Variants in FAM135B observed in about 807,000 individuals in gnomAD.
The protein encoded by FAM135B is family with sequence similarity 135 member B, also known as protein FAM135B.
FAM135B carries 43 observed loss-of-function variants against 127.7 expected under a neutral mutation model. The observed-to-expected ratio is 0.34, with a 90% confidence interval of 0.26 to 0.43. The LOEUF is 0.43. FAM135B is among the 20% of genes least tolerant of loss of function. The probability of loss-of-function intolerance (pLI) is 1.00; values close to 1 mark genes in which losing one functional copy is unlikely to be tolerated. For synonymous variants in FAM135B, 670 were observed against 665.1 expected (o/e 1.01, Z -0.11); for missense variants, 1,558 against 1,725.6 (o/e 0.90, Z 1.72).
chr8:138,457,378 C>T (rs1836848426), intron 1 of FAM135B, among the ~76,000 whole-genome samples: 1 of 152,152 alleles, frequency 6.6e-6, no homozygotes. Flanking sequence ...TAGAGTTTCT[C>T]AAGGTGTGAT....
At chr8:138,221,043 C>A (rs1468412461) in intron 7 of FAM135B, among the ~76,000 whole-genome samples, 2 of 152,114 alleles carry the variant, frequency 1.3e-5, no homozygotes. Flanking sequence ...AGTTTCTGGG[C>A]CATGATGCAG....
In FAM135B at chr8:138,153,220, CAA is replaced by C. The variant is rs11311519; in HGVS notation, c.1259-6_1259-5del. On this transcript the variant is annotated splice_region_variant and splice_polypyrimidine_tract_variant and intron_variant, in intron 12 of 19. Transcript: ENST00000395297. ...GGATAAACACTCAAGTTATGCCCTA[CAA>C]AAAAAAAAGAAAGAAAATTATATTA... 1.5e-4 allele frequency: 213 copies of C among 1,441,856 alleles called. No individual in the cohort carries two copies. Among genetic ancestry groups the C allele is most frequent in the East Asian group, 5.4e-4 (23 of 42,940 alleles). 89.3% of individuals were successfully genotyped at this position (1,441,856 alleles called of 1,614,324 possible).
At chr8:138,413,749 C>T (rs1207830273) in intron 1 of FAM135B, among the ~76,000 whole-genome samples, 1 of 152,004 alleles carries the variant, frequency 6.6e-6, no homozygotes, top group Non-Finnish European at 1.5e-5. Context: ...CACACTCTTT[C>T]AACCAGTTCC....
In FAM135B at chr8:138,436,223, G is replaced by A. The variant is rs542589887; in HGVS notation, c.-20+60448C>T. Among the ~76,000 whole-genome samples, 8 of 152,274 alleles carry A rather than the reference G, an allele frequency of 5.3e-5. No individual in the cohort carries two copies. The South Asian group carries it at 8.3e-4, about 16-fold the overall frequency. On this transcript the variant is annotated intron_variant, in intron 1 of 19. Coordinates refer to ENST00000395297, the MANE Select transcript of FAM135B (RefSeq NM_015912.4). The stretch of plus-strand genomic sequence containing the variant: ...AAATGCTAAAACGATGAGAGAACCC[G>A]GATCTGCAAGAGATGTTCTCTGGGA...
chr8:138,332,020 A>C (rs918777948), intron 2 of FAM135B, among the ~76,000 whole-genome samples: 1 of 152,102 alleles, frequency 6.6e-6, no homozygotes, highest in Non-Finnish European at 1.5e-5. Flanking sequence ...AAAAGACTGA[A>C]CTACTTATGT....
intron 11 of FAM135B, among the ~76,000 whole-genome samples, chr8:138,173,103 G>A (rs911250685): frequency 6.6e-6 from 1 of 151,994 alleles, no homozygotes; most frequent in African/African-American, 2.4e-5. Context: ...CTCCCATTCT[G>A]AGCATTCAGG....
intron 1 of FAM135B, among the ~76,000 whole-genome samples, chr8:138,384,655 C>G (rs548280525): frequency 6.6e-6 from 1 of 151,858 alleles, no homozygotes; most frequent in African/African-American, 2.4e-5. Context: ...TGTGTGTGCA[C>G]CTGTGTGTGT....
chr8:138,423,909 G>A (rs1177218657), intron 1 of FAM135B, among the ~76,000 whole-genome samples: 1 of 152,148 alleles, frequency 6.6e-6, no homozygotes, highest in Non-Finnish European at 1.5e-5. Context: ...TCTCAGGGAT[G>A]TTCCTTGCTG....
In FAM135B at chr8:138,152,566, G is replaced by C. The variant is rs2130774274; in HGVS notation, c.1909C>G (p.Pro637Ala). Residue 637 changes from proline to alanine, a missense_variant, in exon 13 of 20, where the codon CCC becomes GCC. Physicochemically the swap from Pro to Ala is conservative, Grantham distance 27 (BLOSUM62 -1). This residue lies in a region of FAM135B where 923 missense variants were observed against 865.3 expected (regional missense o/e 1.07). Coordinates refer to ENST00000395297, the MANE Select transcript of FAM135B (RefSeq NM_015912.4). ...CTTAGTGGATCACAGGGCTCAGAGG[G>C]GGTGAGTTTCAAGCTTAGCAGCACC... Reference protein sequence around the residue: ...KMVLLSLKLTPSEPCDPLSST... With the variant: ...KMVLLSLKLTASEPCDPLSST... 3.1e-6 allele frequency: 5 copies of C among 1,614,150 alleles called. No homozygotes were observed. The highest frequency in any genetic ancestry group is 4.2e-6 in the Non-Finnish European group (5 of 1,180,026).
At chr8:138,142,444 C>A (rs543083811) in intron 16 of FAM135B, among the ~76,000 whole-genome samples, 120 of 151,906 alleles carry the variant, frequency 7.9e-4, no homozygotes, top group Middle Eastern at 3.4e-3. Flanking sequence ...GCTGGGACTG[C>A]AGGTGCCCGC....
intron 12 of FAM135B, 128 bp from the exon 13 acceptor site, chr8:138,153,344 A>G (rs765616325): frequency 1.1e-4 from 73 of 686,306 alleles, no homozygotes; most frequent in Non-Finnish European, 1.5e-4. Context: ...GAGAATAGGA[A>G]GAGCTCCAGT....
At chr8:138,240,009 G>A (rs1820614722) in intron 7 of FAM135B, among the ~76,000 whole-genome samples, 1 of 136,612 alleles carries the variant, frequency 7.3e-6, no homozygotes, top group Non-Finnish European at 1.6e-5. Flanking sequence ...TGGGGTGGGG[G>A]AGGGGGGAGG....
At chr8:138,227,617 C>T (rs537425484) in intron 7 of FAM135B, among the ~76,000 whole-genome samples, 13 of 151,788 alleles carry the variant, frequency 8.6e-5, no homozygotes, top group Non-Finnish European at 1.8e-4. Context: ...GGCATATGCA[C>T]ATGTTCATGA....
At chr8:138,238,350 G>A (rs1820465295) in intron 7 of FAM135B, among the ~76,000 whole-genome samples, 1 of 152,076 alleles carries the variant, frequency 6.6e-6, no homozygotes, top group South Asian at 2.1e-4. Flanking sequence ...TATATCCTTT[G>A]ACTGATAAGC....
intron 1 of FAM135B, among the ~76,000 whole-genome samples, chr8:138,390,134 C>G (rs997919180): frequency 1.3e-5 from 2 of 152,114 alleles, no homozygotes; most frequent in Non-Finnish European, 2.9e-5. Context: ...TACTTGTACT[C>G]AAAACTCTAA....
chr8:138,376,725 G>T (rs980294114), intron 1 of FAM135B, among the ~76,000 whole-genome samples: 2 of 152,096 alleles, frequency 1.3e-5, no homozygotes, highest in Admixed American at 1.3e-4. Context: ...TGGCACTGAG[G>T]ATTAAAGATA....
intron 12 of FAM135B, among the ~76,000 whole-genome samples, chr8:138,167,149 T>A (rs779812528): frequency 1.3e-5 from 2 of 152,040 alleles, no homozygotes; most frequent in African/African-American, 2.4e-5. Context: ...ATGTGCTAAC[T>A]CCATACAGAC....
intron 1 of FAM135B, among the ~76,000 whole-genome samples, chr8:138,405,718 G>A (rs1833440271): frequency 6.6e-6 from 1 of 151,984 alleles, no homozygotes; most frequent in Admixed American, 6.6e-5. Context: ...TAGTCCTTTG[G>A]GTATATACCC....
chr8:138,386,230 A>C lies in FAM135B; in HGVS notation c.-19-18228T>G, dbSNP rs570639169. On this transcript the variant is annotated intron_variant, in intron 1 of 19. Coordinates refer to ENST00000395297, the MANE Select transcript of FAM135B (RefSeq NM_015912.4). ...AAACTCCATCTCAAAAAAACAAAAA[A>C]AAAAACAAAAACAAAAACCAACAAA... Among the ~76,000 whole-genome samples, 378 of 152,108 alleles carry C rather than the reference A, an allele frequency of 2.5e-3. 4 individuals carry two copies. Among genetic ancestry groups the C allele is most frequent in the Middle Eastern group, 3.4e-3 (1 of 294 alleles).
Sources: allele counts gnomAD v4.1 joint callset (sites outside exome capture counted in the v4.1 genomes callset), GRCh38; gene constraint gnomAD v4.1.1; regional missense constraint gnomAD v4.1.1; transcripts MANE v1.5; gene names NCBI Gene and HGNC (gene_info 2026-07-23, HGNC 2026-07-21).